Variants in PCDHGA6 observed in about 807,000 individuals in gnomAD.
The protein encoded by PCDHGA6 is protocadherin gamma-A6.
Under a neutral mutation model 60.6 loss-of-function variants are expected in PCDHGA6, and 41 were observed. That is an observed-to-expected ratio of 0.68 (90% CI 0.53 to 0.88). The LOEUF (loss-of-function observed/expected upper bound fraction) is 0.88. Among genes scored for constraint, PCDHGA6 ranks in the 40% least tolerant of loss-of-function variants. The pLI, the probability that PCDHGA6 is intolerant of heterozygous loss-of-function variation, is 0.00. For synonymous variants in PCDHGA6, 594 were observed against 524.4 expected, an observed-to-expected ratio of 1.13 and a Z score of -1.81; for missense variants, 1,312 against 1,203.0, an observed-to-expected ratio of 1.09 and a Z score of -1.34.
In PCDHGA6 at chr5:141,374,475, C is replaced by T. The variant is rs765909880; in HGVS notation, c.392C>T (p.Pro131Leu). The change falls in exon 1 of 4, where the codon CCC (proline) becomes CTC (leucine). Residue 131 changes from proline (P) to leucine (L), a missense_variant. Physicochemically the swap from Pro to Leu is moderately conservative, Grantham distance 98. Transcript: ENST00000517434. The stretch of plus-strand genomic sequence containing the variant: ...ATAGTGGACATTAATGACAATACAC[C>T]CCGATTCTTAAAGGAAGAATTGGAA... ...VEIVDINDNTPRFLKEELEVK... is the reference protein window; with the variant it reads ...VEIVDINDNTLRFLKEELEVK... 2.5e-6 allele frequency: 4 copies of T among 1,612,136 alleles called. No individual in the cohort carries two copies. The highest frequency in any genetic ancestry group is 1.7e-5 in the Admixed American group (1 of 59,978).
At chr5:141,418,599 A>G in intron 1 of PCDHGA6, 1 of 1,614,054 alleles carries the variant, frequency 6.2e-7, no homozygotes, top group South Asian at 1.1e-5. Flanking sequence ...CAGGACGTGT[A>G]CAGGGTTAGC....
At position 141,489,861 on chromosome 5, in the gene PCDHGA6, A is replaced by G. The variant is rs1221756350; in HGVS notation, c.2425-4946A>G. The G allele has an allele frequency of 1.2e-5, 19 of 1,614,058 alleles. No individual in the cohort carries two copies. Among genetic ancestry groups the G allele is most frequent in the Non-Finnish European group, 1.5e-5 (18 of 1,179,998 alleles). On this transcript the variant is annotated intron_variant, in intron 1 of 3. Transcript: ENST00000517434. The surrounding 1 kb of genome is among the most constrained non-coding windows in gnomAD (Gnocchi z 4.5). ...AGCTGGATCGTGAAGCCCAGGCAAGACATCAGCTGGTGCTTACTGCTGTGG... is the reference window on the plus strand; with the variant it reads ...AGCTGGATCGTGAAGCCCAGGCAAGGCATCAGCTGGTGCTTACTGCTGTGG...
chr5:141,441,692 G>A (rs1165171238), intron 1 of PCDHGA6: 2 of 301,376 alleles, frequency 6.6e-6, no homozygotes, highest in Non-Finnish European at 1.3e-5. Context: ...AAGAGCAGCC[G>A]CGAGCCTTCA....
chr5:141,401,342 C>CA (rs929380194), intron 1 of PCDHGA6, among the ~76,000 whole-genome samples: 26 of 150,494 alleles, frequency 1.7e-4, no homozygotes, highest in East Asian at 1.6e-3. Context: ...AACTCCATCT[C>CA]AAAAAAAAGG....
chr5:141,447,449 C>A (rs2098539583), intron 1 of PCDHGA6, among the ~76,000 whole-genome samples: 1 of 152,058 alleles, frequency 6.6e-6, no homozygotes, highest in Non-Finnish European at 1.5e-5. Flanking sequence ...AAATTTTTAA[C>A]CTCAGTTTTT....
rs578223384 is a variant in PCDHGA6, at chr5:141,400,070, C to A, written c.2424+23563C>A. 4 of 1,613,804 alleles carry A rather than the reference C, an allele frequency of 2.5e-6. No individual in the cohort carries two copies. The African/African-American group carries it at 4.0e-5, about 16-fold the overall frequency. On this transcript the variant is annotated intron_variant, in intron 1 of 3. Transcript: ENST00000517434. ...GTTGCTGTGCGTGATGGTGGACAGC[C>A]GCCACTCTCCGCCACCGCCACGCTG...
intron 1 of PCDHGA6, chr5:141,395,104 G>A (rs1420682544): frequency 1.9e-6 from 3 of 1,614,028 alleles, no homozygotes; most frequent in Admixed American, 3.3e-5. Flanking sequence ...GCCGACTCGC[G>A]GAAGAGTCAC....
At chr5:141,424,901 C>G (rs2096846997) in intron 1 of PCDHGA6, among the ~76,000 whole-genome samples, 1 of 152,134 alleles carries the variant, frequency 6.6e-6, no homozygotes, top group African/African-American at 2.4e-5. Context: ...TTTTTGATCA[C>G]AGGAATCATT....
At chr5:141,398,957 T>G (rs1307112913) in intron 1 of PCDHGA6, 1 of 1,613,868 alleles carries the variant, frequency 6.2e-7, no homozygotes, top group South Asian at 1.1e-5. Context: ...AACTCAGAAA[T>G]TACTTATTCC....
chr5:141,395,422 G>T, intron 1 of PCDHGA6: 1 of 728,826 alleles, frequency 1.4e-6, no homozygotes, highest in Non-Finnish European at 2.1e-6. Flanking sequence ...TGTTTCATTT[G>T]CTTTTAAACG....
In PCDHGA6 at chr5:141,413,412, C is replaced by T. The variant is rs747352426; in HGVS notation, c.2424+36905C>T. ...TCTCCAGAGGTAGGACGCAGCTTTT[C>T]TCTCTGAACCCGCGCAGCGGCAGCT... On this transcript the variant is annotated intron_variant, in intron 1 of 3. Transcript: ENST00000517434. 5.6e-6 allele frequency: 9 copies of T among 1,613,954 alleles called. No individual in the cohort carries two copies. The African/African-American group carries it at 1.2e-4, about 22-fold the overall frequency.
At chr5:141,383,956 A>G (rs1279675225) in intron 1 of PCDHGA6, 3 of 1,613,670 alleles carry the variant, frequency 1.9e-6, no homozygotes, top group Non-Finnish European at 2.5e-6. Context: ...GACGTCTTTA[A>G]GTAGCTCAAT....
At chr5:141,399,798 G>A in intron 1 of PCDHGA6, 1 of 1,613,236 alleles carries the variant, frequency 6.2e-7, no homozygotes. Context: ...ACGCACCGCG[G>A]GTGCTGTACC....
chr5:141,477,867 C>CGGT lies in PCDHGA6; in HGVS notation c.2425-16940_2425-16939insGGT. On this transcript the variant is annotated intron_variant, in intron 1 of 3. Transcript: ENST00000517434. This position sits in a 1 kb window ranked among gnomAD's most constrained non-coding sequence, Gnocchi z 4.9. ...TCGGTGGAGATGCTGCCTCGAGGTA[C>CGGT]CTCAGCTGGCCACCTAGTGTCACGG... 6.2e-7 allele frequency: 1 copy of CGGT among 1,613,614 alleles called. No homozygotes were observed. Among genetic ancestry groups the CGGT allele is most frequent in the Non-Finnish European group, 8.5e-7 (1 of 1,179,854 alleles).
At chr5:141,393,195 G>A (rs1359316660) in intron 1 of PCDHGA6, 6 of 1,613,316 alleles carry the variant, frequency 3.7e-6, no homozygotes, top group South Asian at 1.1e-5. Context: ...TGATATTAAC[G>A]ATAATAACCC....
chr5:141,432,395 G>C lies in PCDHGA6; in HGVS notation c.2424+55888G>C, dbSNP rs748660079. The C allele has an allele frequency of 1.2e-6, 2 of 1,614,242 alleles. No homozygotes were observed. The highest frequency in any genetic ancestry group is 4.5e-5 in the East Asian group (2 of 44,882). On this transcript the variant is annotated intron_variant, in intron 1 of 3. Coordinates refer to ENST00000517434, the MANE Select transcript of PCDHGA6 (RefSeq NM_018919.3). The surrounding 1 kb of genome is among the most constrained non-coding windows in gnomAD (Gnocchi z 6.0). The stretch of plus-strand genomic sequence containing the variant: ...CGGGCACCCGCCCCTCAGCAGCAAC[G>C]TGTCGTTGAGCCTGTTCGTGCTGGA...
intron 1 of PCDHGA6, chr5:141,398,580 A>T: frequency 1.2e-6 from 2 of 1,614,044 alleles, no homozygotes; most frequent in Non-Finnish European, 1.7e-6. Flanking sequence ...CTGGCACAAG[A>T]TTTATACTAG....
chr5:141,393,739 A>G (rs1589203711), intron 1 of PCDHGA6: 1 of 1,613,800 alleles, frequency 6.2e-7, no homozygotes, highest in Non-Finnish European at 8.5e-7. Flanking sequence ...AGTCTAGATT[A>G]TGAAGAATGT....
Position 141,485,831 on chromosome 5 carries a change from C to T in PCDHGA6, c.2425-8976C>T. 1 of 1,614,080 alleles carries T rather than the reference C, an allele frequency of 6.2e-7. No individual in the cohort carries two copies. The highest frequency in any genetic ancestry group is 8.5e-7 in the Non-Finnish European group (1 of 1,180,026). ...GCTGACTGCTGTCGATGGAGGGAAC[C>T]CGCCGAGATCTGGCACCGCAGAGCT... On this transcript the variant is annotated intron_variant, in intron 1 of 3. Coordinates refer to ENST00000517434, the MANE Select transcript of PCDHGA6 (RefSeq NM_018919.3). This position sits in a 1 kb window ranked among gnomAD's most constrained non-coding sequence, Gnocchi z 5.7.
Sources: allele counts gnomAD v4.1 joint callset (sites outside exome capture counted in the v4.1 genomes callset), GRCh38; gene constraint gnomAD v4.1.1; non-coding constraint Gnocchi (gnomAD v3.1); transcripts MANE v1.5; gene names NCBI Gene and HGNC (gene_info 2026-07-23, HGNC 2026-07-21).